Variants in PDE7A observed in about 807,000 individuals in gnomAD.
PDE7A encodes the protein high affinity 3',5'-cyclic-AMP phosphodiesterase 7A.
A neutral mutation model predicts 64.3 loss-of-function variants in PDE7A; 39 were observed. That is an observed-to-expected ratio of 0.61 (90% CI 0.47 to 0.79). The LOEUF is 0.79. Among genes scored for constraint, PDE7A ranks in the 30% least tolerant of loss-of-function variants. The probability of loss-of-function intolerance (pLI) is 0.00; values close to 1 mark genes in which losing one functional copy is unlikely to be tolerated. For missense variants in PDE7A, 470 were observed against 582.8 expected, an observed-to-expected ratio of 0.81 and a Z score of 1.99; for synonymous variants, 203 against 206.8, an observed-to-expected ratio of 0.98 and a Z score of 0.16.
At chr8:65,720,378 G>A (rs116327382) in intron 12 of PDE7A, 5 of 154,084 alleles carry the variant, frequency 3.2e-5, no homozygotes, top group African/African-American at 4.8e-5. Flanking sequence ...ATTCTATCAC[G>A]CTTTAAAATT....
chr8:65,839,886 CATGTTTT>C, intron 1 of PDE7A, among the ~76,000 whole-genome samples: 1 of 152,254 alleles, frequency 6.6e-6, no homozygotes, highest in African/African-American at 2.4e-5. Flanking sequence ...GAACTTTATT[CATGTTTT>C]ATAATTGTAT....
chr8:65,734,917 G>T (rs539986176), intron 6 of PDE7A, 23 bp from the exon 7 acceptor site: 7 of 1,439,222 alleles, frequency 4.9e-6, no homozygotes, highest in Non-Finnish European at 6.9e-6. Flanking sequence ...AAGAGATCCC[G>T]ATTTTATTGT....
intron 1 of PDE7A, among the ~76,000 whole-genome samples, chr8:65,817,924 T>C (rs1810453094): frequency 6.6e-6 from 1 of 152,068 alleles, no homozygotes; most frequent in Non-Finnish European, 1.5e-5. Context: ...AGCTAATTTT[T>C]TGTATTTTTA....
Position 65,839,223 on chromosome 8 carries a change from T to TTAA in PDE7A, c.138+2147_138+2148insTTA, listed in dbSNP as rs139030754. Among the ~76,000 whole-genome samples the TTAA allele has an allele frequency of 8.0e-3, 1,200 of 149,712 alleles. 15 individuals carry two copies. The highest frequency in any genetic ancestry group is 0.027 in the African/African-American group (1,126 of 40,996). The stretch of plus-strand genomic sequence containing the variant: ...ACTATTTTACTTAATGTCTTTTTTT[T>TTAA]AAAAAAAAAAGGGTTTTTTTTCCTA... On this transcript the variant is annotated intron_variant, in intron 1 of 12. Transcript: ENST00000401827.
chr8:65,734,384 T>C (rs1441059562), intron 7 of PDE7A, among the ~76,000 whole-genome samples: 1 of 152,176 alleles, frequency 6.6e-6, no homozygotes, highest in African/African-American at 2.4e-5. Flanking sequence ...CTGGCAGGTG[T>C]TCAGGCTTTT....
At chr8:65,737,002 C>G (rs1807168474) in intron 6 of PDE7A, among the ~76,000 whole-genome samples, 1 of 149,364 alleles carries the variant, frequency 6.7e-6, no homozygotes, top group Non-Finnish European at 1.5e-5. Context: ...CCTGCCTCAG[C>G]CTGGATGAGG....
intron 1 of PDE7A, among the ~76,000 whole-genome samples, chr8:65,821,855 C>T (rs1280191925): frequency 1.3e-5 from 2 of 152,188 alleles, no homozygotes; most frequent in African/African-American, 4.8e-5. Context: ...AAATTATTTT[C>T]GTCTGTTTCA....
At chr8:65,800,721 G>A (rs1333422590) in intron 1 of PDE7A, among the ~76,000 whole-genome samples, 2 of 152,120 alleles carry the variant, frequency 1.3e-5, no homozygotes, top group African/African-American at 2.4e-5. Context: ...ACCTCAGTAA[G>A]GTTAAAACCA....
At chr8:65,792,474 C>G (rs1382319143) in intron 1 of PDE7A, among the ~76,000 whole-genome samples, 15 of 152,218 alleles carry the variant, frequency 9.9e-5, no homozygotes. Context: ...TCAATCTTGG[C>G]AATAGCCTTT....
intron 5 of PDE7A, among the ~76,000 whole-genome samples, chr8:65,741,704 G>A (rs1420916256): frequency 6.6e-6 from 1 of 152,194 alleles, no homozygotes; most frequent in Non-Finnish European, 1.5e-5. Context: ...TGAACAACGT[G>A]TCTGTTGCTA....
intron 7 of PDE7A, among the ~76,000 whole-genome samples, chr8:65,732,612 C>T (rs1806947511): frequency 6.6e-6 from 1 of 152,170 alleles, no homozygotes; most frequent in Non-Finnish European, 1.5e-5. Flanking sequence ...CTCCCAGGCT[C>T]AAGTGATCCT....
At chr8:65,812,004 G>T (rs1585937420) in intron 1 of PDE7A, among the ~76,000 whole-genome samples, 1 of 151,982 alleles carries the variant, frequency 6.6e-6, no homozygotes, top group South Asian at 2.1e-4. Flanking sequence ...CCCAGGAGTT[G>T]GAGACCAGCC....
At chr8:65,824,615 C>T (rs907688794) in intron 1 of PDE7A, among the ~76,000 whole-genome samples, 1 of 152,174 alleles carries the variant, frequency 6.6e-6, no homozygotes, top group Non-Finnish European at 1.5e-5. Context: ...CTTCAGCAAC[C>T]CCCACCCTGA....
chr8:65,720,594 T>C (rs910354460), intron 12 of PDE7A: 4 of 154,216 alleles, frequency 2.6e-5, no homozygotes, highest in Admixed American at 6.5e-5. Flanking sequence ...ATGTACAATA[T>C]GTGCAATAAG....
chr8:65,771,299 GGTAAAT>G (rs1809073441), intron 3 of PDE7A: 1 of 152,248 alleles, frequency 6.6e-6, no homozygotes, highest in Non-Finnish European at 1.5e-5. Flanking sequence ...CTAATTTCTA[GGTAAAT>G]TTAGTAAACA....
chr8:65,757,545 C>T (rs989539034), intron 3 of PDE7A, among the ~76,000 whole-genome samples: 5 of 152,114 alleles, frequency 3.3e-5, no homozygotes, highest in Admixed American at 2.0e-4. Flanking sequence ...TTATTCTTTC[C>T]GGCATCTGGA....
At chr8:65,835,593 G>A (rs931190206) in intron 1 of PDE7A, among the ~76,000 whole-genome samples, 2 of 152,156 alleles carry the variant, frequency 1.3e-5, no homozygotes, top group Non-Finnish European at 2.9e-5. Flanking sequence ...CTGGTCAATA[G>A]TGAAGGAAGA....
At chr8:65,771,884 CAAAA>C (rs36101490) in intron 3 of PDE7A, among the ~76,000 whole-genome samples, 2 of 55,828 alleles carry the variant, frequency 3.6e-5, no homozygotes, top group East Asian at 5.7e-4. Flanking sequence ...CTCCATCTCT[CAAAA>C]AAAAAAAAAA....
intron 11 of PDE7A, 61 bp from the exon 12 acceptor site, chr8:65,723,682 T>A (rs1350122443): frequency 5.8e-6 from 7 of 1,215,178 alleles, no homozygotes; most frequent in Non-Finnish European, 7.8e-6. Context: ...AATATATAAT[T>A]AAAGGCTTGA....
Sources: allele counts gnomAD v4.1 joint callset (sites outside exome capture counted in the v4.1 genomes callset), GRCh38; gene constraint gnomAD v4.1.1; transcripts MANE v1.5; gene names NCBI Gene and HGNC (gene_info 2026-07-23, HGNC 2026-07-21).